C6orf89: variants seen among roughly 807,000 people sequenced by gnomAD.
The protein encoded by C6orf89 is chromosome 6 open reading frame 89.
C6orf89 carries 29 observed loss-of-function variants against 40.7 expected under a neutral mutation model. The ratio of observed to expected loss-of-function variants is 0.71; its 90% CI spans 0.53 to 0.97. C6orf89 has a LOEUF of 0.97. Ranked by LOEUF, C6orf89 falls within the 50% of genes least tolerant of loss-of-function variation. The probability of loss-of-function intolerance (pLI) is 0.00; values close to 1 mark genes in which losing one functional copy is unlikely to be tolerated. For synonymous variants in C6orf89, 165 were observed against 152.2 expected, an observed-to-expected ratio of 1.08 and a Z score of -0.62; for missense variants, 392 against 429.1, an observed-to-expected ratio of 0.91 and a Z score of 0.76.
intron 1 of C6orf89, chr6:36,874,803 T>TA: frequency 1.2e-6 from 2 of 1,612,312 alleles, no homozygotes; most frequent in Non-Finnish European, 1.7e-6. Context: ...GCTTGTCTAG[T>TA]AATTGCTACT....
chr6:36,902,664 C>T (rs1007428299), intron 4 of C6orf89, among the ~76,000 whole-genome samples: 3 of 152,266 alleles, frequency 2.0e-5, no homozygotes, highest in Admixed American at 6.5e-5. Flanking sequence ...TCTGGTAGAG[C>T]CAAATACACA....
intron 6 of C6orf89, 102 bp from the exon 7 acceptor site, chr6:36,916,343 T>C: frequency 7.1e-7 from 1 of 1,415,782 alleles, no homozygotes; most frequent in Non-Finnish European, 9.8e-7. Context: ...TTTTCCCTCT[T>C]TACCCACCGC....
chr6:36,903,114 G>A (rs1761785238), intron 4 of C6orf89, among the ~76,000 whole-genome samples: 1 of 152,148 alleles, frequency 6.6e-6, no homozygotes, highest in Non-Finnish European at 1.5e-5. Context: ...GGCTGGGTGT[G>A]GTGGTTTACA....
intron 1 of C6orf89, among the ~76,000 whole-genome samples, chr6:36,889,126 T>C (rs1206381606): frequency 6.6e-6 from 1 of 152,080 alleles, no homozygotes; most frequent in Non-Finnish European, 1.5e-5. Context: ...GGATAACTGG[T>C]GGATACCAGC....
In C6orf89 at chr6:36,923,423, C is replaced by T. The variant is rs761801817; in HGVS notation, c.1026C>T (p.Thr342=). The T allele has an allele frequency of 9.3e-6, 15 of 1,613,510 alleles. No homozygotes were observed. The highest frequency in any genetic ancestry group is 6.7e-5 in the African/African-American group (5 of 74,902). ...GVQPLVICDG[T]AFSEL ...AGCCTTTGGTCATCTGCGATGGAACCGCTTTCTCAGAACTGTAGGAAATAG... is the reference window on the plus strand; with the variant it reads ...AGCCTTTGGTCATCTGCGATGGAACTGCTTTCTCAGAACTGTAGGAAATAG... The change falls in exon 9 of 9, where the codon ACC becomes ACT. Residue 342 remains threonine (T), a synonymous_variant. Coordinates refer to ENST00000480824, the MANE Select transcript of C6orf89 (RefSeq NM_001286635.2).
intron 1 of C6orf89, among the ~76,000 whole-genome samples, chr6:36,872,201 C>T (rs1466099016): frequency 6.6e-6 from 1 of 151,166 alleles, no homozygotes; most frequent in Admixed American, 6.6e-5. Context: ...ATAACCAACC[C>T]CTAAATTAGG....
intron 6 of C6orf89, among the ~76,000 whole-genome samples, chr6:36,916,167 T>C (rs978972088): frequency 2.0e-5 from 3 of 152,170 alleles, no homozygotes; most frequent in South Asian, 2.1e-4. Context: ...AATAGATTAT[T>C]TCTTTCCTTC....
chr6:36,909,503 G>A (rs980252728), intron 4 of C6orf89, among the ~76,000 whole-genome samples: 3 of 151,854 alleles, frequency 2.0e-5, no homozygotes, highest in Admixed American at 6.6e-5. Context: ...CTTTTCAAAT[G>A]GTTTATAGGC....
intron 1 of C6orf89, among the ~76,000 whole-genome samples, chr6:36,874,168 T>C (rs576064497): frequency 1.3e-5 from 2 of 152,310 alleles, no homozygotes; most frequent in South Asian, 4.1e-4. Context: ...CCTTCATGAT[T>C]TGAGTTGCTA....
At chr6:36,877,371 G>A (rs936263680) in intron 1 of C6orf89, among the ~76,000 whole-genome samples, 5 of 151,934 alleles carry the variant, frequency 3.3e-5, no homozygotes, top group African/African-American at 9.7e-5. Flanking sequence ...TCACTCTGTC[G>A]CCAGGCTGGA....
chr6:36,899,839 T>C (rs1761597267), intron 3 of C6orf89, among the ~76,000 whole-genome samples: 1 of 152,246 alleles, frequency 6.6e-6, no homozygotes, highest in Non-Finnish European at 1.5e-5. Flanking sequence ...TACAGTTAAA[T>C]TATATTTGTG....
intron 2 of C6orf89, among the ~76,000 whole-genome samples, chr6:36,899,003 A>G (rs1761557877): frequency 6.6e-6 from 1 of 152,162 alleles, no homozygotes; most frequent in African/African-American, 2.4e-5. Flanking sequence ...TTGAACACAA[A>G]TGTTCAACAA....
Position 36,904,052 on chromosome 6 carries a change from G to T in C6orf89, c.403+1618G>T, listed in dbSNP as rs572316568. ...AAACTTGTCAGTTAGGCCAGTCTGT[G>T]CCTCTTCCTCAGACACACCAGTCTC... is the stretch of plus-strand genomic sequence containing the variant. On this transcript the variant is annotated intron_variant, in intron 4 of 8. Coordinates refer to ENST00000480824, the MANE Select transcript of C6orf89 (RefSeq NM_001286635.2). 4.2e-4 allele frequency among the ~76,000 whole-genome samples: 64 copies of T among 152,178 alleles called. 1 individual carries two copies. The highest frequency in any genetic ancestry group is 7.8e-4 in the Non-Finnish European group (53 of 68,002).
intron 6 of C6orf89, among the ~76,000 whole-genome samples, chr6:36,914,981 CTG>C (rs1762263068): frequency 1.3e-5 from 2 of 152,160 alleles, no homozygotes; most frequent in Admixed American, 1.3e-4. Context: ...CAGAGTGAGA[CTG>C]TGTCTCAAAA....
chr6:36,874,853 C>G, intron 1 of C6orf89: 1 of 1,492,036 alleles, frequency 6.7e-7, no homozygotes, highest in Non-Finnish European at 9.2e-7. Flanking sequence ...CTGCTGCACA[C>G]TTCCGGTCCG....
upstream of C6orf89, among the ~76,000 whole-genome samples, chr6:36,882,236 GTAAT>G (rs1774833379): frequency 6.6e-6 from 1 of 152,056 alleles, no homozygotes; most frequent in Non-Finnish European, 1.5e-5. Flanking sequence ...ATTCTATTTT[GTAAT>G]ATCCAATGTT....
In C6orf89 at chr6:36,927,507, G is replaced by C. The variant is rs1460770691; in HGVS notation, c.*4066G>C. 6.6e-6 allele frequency: 1 copy of C among 152,246 alleles called. No individual in the cohort carries two copies. Among genetic ancestry groups the C allele is most frequent in the Non-Finnish European group, 1.5e-5 (1 of 68,046 alleles). The allele number at this position is 152,246 out of a possible 1,614,324, so 9.4% of individuals were successfully genotyped here. ...ACCTTTCGAGAATCAGTTATAAACA[G>C]AAGGGCCTCTTAGGATTTTGAGCTC... On this transcript the variant is annotated 3_prime_UTR_variant, in exon 9 of 9. Coordinates refer to ENST00000480824, the MANE Select transcript of C6orf89 (RefSeq NM_001286635.2).
chr6:36,873,137 A>T (rs1452053099), intron 1 of C6orf89, among the ~76,000 whole-genome samples: 1 of 152,238 alleles, frequency 6.6e-6, no homozygotes, highest in African/African-American at 2.4e-5. Flanking sequence ...ATATTTTCAA[A>T]ATACAGAAAG....
At chr6:36,874,768 G>A (rs1355398513) in intron 1 of C6orf89, 5 of 1,614,152 alleles carry the variant, frequency 3.1e-6, no homozygotes, top group Non-Finnish European at 4.2e-6. Context: ...GGGAATTGCC[G>A]CCATAGCGAA....
Sources: allele counts gnomAD v4.1 joint callset (sites outside exome capture counted in the v4.1 genomes callset), GRCh38; gene constraint gnomAD v4.1.1; transcripts MANE v1.5; gene names NCBI Gene and HGNC (gene_info 2026-07-23, HGNC 2026-07-21).